PHKA1: variants seen among roughly 807,000 people sequenced by gnomAD.
The protein encoded by PHKA1 is phosphorylase kinase regulatory subunit alpha 1, also known as phosphorylase b kinase regulatory subunit alpha, skeletal muscle isoform.
Under a neutral mutation model 110.2 loss-of-function variants are expected in PHKA1, and 60 were observed. The observed-to-expected ratio is 0.54, with a 90% CI of 0.44 to 0.68. The LOEUF (loss-of-function observed/expected upper bound fraction) is 0.68, where lower values mean the gene tolerates loss of function less well. Ranked by LOEUF, PHKA1 falls within the 30% of genes least tolerant of loss-of-function variation. PHKA1 has a pLI of 0.00. For missense variants in PHKA1, 801 were observed against 942.5 expected (o/e 0.85, Z 1.97); for synonymous variants, 316 against 333.6 (o/e 0.95, Z 0.58).
intron 3 of PHKA1, among the ~76,000 whole-genome samples, chrX:72,699,237 G>A: frequency 9.1e-6 from 1 of 110,477 alleles, no homozygotes; most frequent in Non-Finnish European, 1.9e-5. Flanking sequence ...GCCAGGCGCA[G>A]TGGCTCATGC....
At chrX:72,713,444 G>T (rs2054413580) in intron 1 of PHKA1, among the ~76,000 whole-genome samples, 1 of 111,005 alleles carries the variant, frequency 9.0e-6, no homozygotes, top group Admixed American at 9.6e-5. Context: ...AGCCTTTCGA[G>T]TCTGAAATGT....
Position 72,602,191 on chromosome X carries a change from A to G in PHKA1, c.3000T>C (p.Thr1000=), listed in dbSNP as rs1228845488. 1 of 1,204,529 alleles carries G rather than the reference A, an allele frequency of 8.3e-7. No individual in the cohort carries two copies. The highest frequency in any genetic ancestry group is 1.7e-5 in the African/African-American group (1 of 57,602). ...GAVGATKTER[T]GIMQLKSEIK... is the part of the protein sequence containing the mutation. The stretch of plus-strand genomic sequence containing the variant: ...TCTCACTTTTTAACTGCATGATCCC[A>G]GTTCGTTCTGTTTTGGTTGCTCCAA... Residue 1000 remains threonine, a synonymous_variant, in exon 27 of 32, where the codon ACT becomes ACC. Coordinates refer to ENST00000373542, the MANE Select transcript of PHKA1 (RefSeq NM_002637.4).
chrX:72,684,242 T>C (rs938259572), intron 5 of PHKA1, among the ~76,000 whole-genome samples: 1 of 111,659 alleles, frequency 9.0e-6, no homozygotes, highest in African/African-American at 3.3e-5. Context: ...GATTGCCAAA[T>C]ACATACCATG....
chrX:72,697,579 T>C (rs1208656342), intron 3 of PHKA1, among the ~76,000 whole-genome samples: 1 of 109,261 alleles, frequency 9.2e-6, no homozygotes, highest in Non-Finnish European at 1.9e-5. Flanking sequence ...TTTTTTTTTT[T>C]TTCTTCTCAG....
intron 3 of PHKA1, among the ~76,000 whole-genome samples, chrX:72,698,552 G>C (rs1327211366): frequency 1.8e-5 from 2 of 111,958 alleles, no homozygotes; most frequent in East Asian, 5.5e-4. Flanking sequence ...TTTGGCATAG[G>C]GGTTACAAAC....
At chrX:72,628,485 A>T (rs888938540) in intron 16 of PHKA1, among the ~76,000 whole-genome samples, 1 of 107,903 alleles carries the variant, frequency 9.3e-6, no homozygotes, top group Non-Finnish European at 1.9e-5. Flanking sequence ...TCAAAATCTG[A>T]CAATATTTTA....
chrX:72,712,940 G>T lies in PHKA1; in HGVS notation c.79-3C>A. The T allele has an allele frequency of 8.3e-7, 1 of 1,210,392 alleles. No individual in the cohort carries two copies. Among genetic ancestry groups the T allele is most frequent in the Non-Finnish European group, 1.1e-6 (1 of 894,579 alleles). Reference sequence around the variant, plus strand: ...GGAAGCAAGCCAGTCACTGGATTCTGCAAGGTCAAGAAAAAGAGGGCAGGA... The same window carrying T: ...GGAAGCAAGCCAGTCACTGGATTCTTCAAGGTCAAGAAAAAGAGGGCAGGA... On this transcript the variant is annotated splice_region_variant and splice_polypyrimidine_tract_variant and intron_variant, in intron 1 of 31. Transcript: ENST00000373542.
intron 16 of PHKA1, among the ~76,000 whole-genome samples, chrX:72,633,975 C>G (rs2053197625): frequency 9.0e-6 from 1 of 111,540 alleles, no homozygotes; most frequent in South Asian, 3.8e-4. Flanking sequence ...TATTTTCCTC[C>G]TCACTTATAG....
chrX:72,609,770 T>C, intron 22 of PHKA1, 67 bp from the exon 23 acceptor site: 2 of 808,001 alleles, frequency 2.5e-6, no homozygotes, highest in Non-Finnish European at 3.8e-6. Flanking sequence ...ATTTCTCTTT[T>C]CAGCTGAAAA....
intron 10 of PHKA1, 133 bp downstream of exon 10, chrX:72,655,987 T>C: frequency 2.8e-6 from 2 of 708,103 alleles, no homozygotes; most frequent in Non-Finnish European, 4.4e-6. Flanking sequence ...TGCCCTCAAC[T>C]AGTAGCCTGT....
rs186102382 is a variant in PHKA1, at chrX:72,604,343, T to C, written c.2815+928A>G. 6.1e-3 allele frequency among the ~76,000 whole-genome samples: 679 copies of C among 111,198 alleles called. 8 individuals are homozygous for C. The highest frequency in any genetic ancestry group is 0.021 in the African/African-American group (647 of 30,647). ...AAAGTGACACAATAATACCTTCTTC[T>C]CCAGAGGATTCTTGAAAGGATTAAA... On this transcript the variant is annotated intron_variant, in intron 25 of 31. Transcript: ENST00000373542.
chrX:72,613,550 T>G (rs963830999), intron 21 of PHKA1, among the ~76,000 whole-genome samples: 2 of 111,624 alleles, frequency 1.8e-5, no homozygotes, highest in African/African-American at 3.3e-5. Flanking sequence ...TATATTAAAT[T>G]AAAAAACATG....
chrX:72,581,444 A>C (rs2052336018), intron 31 of PHKA1, among the ~76,000 whole-genome samples: 1 of 112,076 alleles, frequency 8.9e-6, no homozygotes, highest in Non-Finnish European at 1.9e-5. Flanking sequence ...CAATTTCTAA[A>C]AGTTAAATAT....
chrX:72,683,248 G>C (rs2053931107), intron 5 of PHKA1, among the ~76,000 whole-genome samples: 1 of 111,518 alleles, frequency 9.0e-6, no homozygotes. Context: ...GACCTGCCTG[G>C]GCAACATAGC....
chrX:72,581,329 C>A (rs782307774), intron 31 of PHKA1, among the ~76,000 whole-genome samples, 154 bp from the exon 32 acceptor site: 2 of 111,516 alleles, frequency 1.8e-5, no homozygotes, highest in African/African-American at 6.5e-5. Flanking sequence ...GGTTTATGGA[C>A]AAAAGGGTGA....
Position 72,581,069 on chromosome X carries a change from T to A in PHKA1, c.3605A>T (p.Tyr1202Phe), listed in dbSNP as rs782598264. 1 of 1,207,852 alleles carries A rather than the reference T, an allele frequency of 8.3e-7. No homozygotes were observed. Among genetic ancestry groups the A allele is most frequent in the Admixed American group, 2.2e-5 (1 of 45,927 alleles). Residue 1202 changes from tyrosine to phenylalanine, a missense_variant, in exon 32 of 32, where the codon TAC (tyrosine) becomes TTC (phenylalanine). Tyr to Phe is a conservative substitution (Grantham distance 22, BLOSUM62 3). Coordinates refer to ENST00000373542, the MANE Select transcript of PHKA1 (RefSeq NM_002637.4). ...APSGRFGTMT[Y>F]LSKAAATYVQ... is the part of the protein sequence containing the mutation. ...GTAGGTGGCGGCTGCCTTGGAGAGGTAGGTCATGGTGCCAAACCTGCCACT... is the reference window on the plus strand; with the variant it reads ...GTAGGTGGCGGCTGCCTTGGAGAGGAAGGTCATGGTGCCAAACCTGCCACT...
chrX:72,663,371 T>C (rs782258604), intron 8 of PHKA1, among the ~76,000 whole-genome samples: 1 of 110,023 alleles, frequency 9.1e-6, no homozygotes, highest in Admixed American at 9.6e-5. Context: ...CCTATAGGAC[T>C]TGCAGAACAC....
In PHKA1 at chrX:72,593,226, A is replaced by G. The variant is rs1556228458; in HGVS notation, c.3121T>C (p.Tyr1041His). 17 of 1,204,482 alleles carry G rather than the reference A, an allele frequency of 1.4e-5. No homozygotes were observed. The highest frequency in any genetic ancestry group is 1.2e-5 in the Non-Finnish European group (11 of 888,617). Residue 1041 changes from tyrosine to histidine, a missense_variant, in exon 29 of 32, where the codon TAT becomes CAT. This residue lies in a region of PHKA1 where 502 missense variants were observed against 519.2 expected (regional missense o/e 0.97). Transcript: ENST00000373542. ...CTATCTTTAGATGACTGCTGATCAT[A>G]TGCACTAGGAAAGGACCCACTACTT... ...TPSSGSFPSA[Y>H]DQQSSKDSRQ...
intron 3 of PHKA1, among the ~76,000 whole-genome samples, chrX:72,702,629 T>C (rs997422289): frequency 2.1e-4 from 24 of 111,634 alleles, no homozygotes; most frequent in African/African-American, 7.5e-4. Flanking sequence ...CTTCACAACC[T>C]GCTAAAAATG....
Sources: gnomAD v4.1 joint callset for allele counts (sites outside exome capture counted in the v4.1 genomes callset) on GRCh38, gnomAD v4.1.1 for gene constraint, gnomAD v4.1.1 regional missense constraint, MANE v1.5 for transcripts, NCBI Gene and HGNC (gene_info 2026-07-23, HGNC 2026-07-21) for gene names.